The following KCNMA1 variants were observed in gnomAD, a reference collection of about 807,000 sequenced individuals.
The protein encoded by KCNMA1 is Calcium-activated potassium channel subunit alpha-1.
A neutral mutation model predicts 140.0 loss-of-function variants in KCNMA1; 29 were observed. That is an observed-to-expected ratio of 0.21 (90% confidence interval 0.15 to 0.28). The LOEUF (loss-of-function observed/expected upper bound fraction) is 0.28, where lower values mean the gene tolerates loss of function less well. Ranked by LOEUF, KCNMA1 falls within the 10% of genes least tolerant of loss-of-function variation. The probability of loss-of-function intolerance (pLI) is 1.00; values close to 1 mark genes in which losing one functional copy is unlikely to be tolerated. For missense variants in KCNMA1, 880 were observed against 1,602.2 expected (o/e 0.55, Z 7.70); for synonymous variants, 612 against 611.9 (o/e 1.00, Z 0.00).
intron 1 of KCNMA1, among the ~76,000 whole-genome samples, chr10:77,509,411 C>T (rs1021900278): frequency 2.0e-5 from 3 of 151,920 alleles, no homozygotes; most frequent in Middle Eastern, 3.4e-3. Flanking sequence ...AGCCACCATG[C>T]CCGGCCCTAC....
intron 19 of KCNMA1, among the ~76,000 whole-genome samples, chr10:76,982,328 GAAAAAAA>G (rs11317483): frequency 6.9e-6 from 1 of 144,398 alleles, no homozygotes; most frequent in Non-Finnish European, 1.5e-5. Context: ...AATTGTTCAG[GAAAAAAA>G]AAAAAAAAGA....
At chr10:77,132,359 A>G (rs2097881155) in intron 5 of KCNMA1, among the ~76,000 whole-genome samples, 1 of 152,144 alleles carries the variant, frequency 6.6e-6, no homozygotes, top group Admixed American at 6.5e-5. Context: ...GACCCAGAAA[A>G]CAGGAATAAA....
chr10:77,239,569 A>T (rs2056690248), intron 3 of KCNMA1, among the ~76,000 whole-genome samples: 2 of 152,206 alleles, frequency 1.3e-5, no homozygotes, highest in Non-Finnish European at 2.9e-5. Flanking sequence ...GATAGGTAAA[A>T]GGTGGTGTGA....
chr10:77,003,440 A>T (rs1272382801), intron 18 of KCNMA1, among the ~76,000 whole-genome samples: 1 of 152,234 alleles, frequency 6.6e-6, no homozygotes, highest in African/African-American at 2.4e-5. Context: ...AAAAGTCTTC[A>T]ATTAAAGACA....
At chr10:77,033,890 A>G (rs2094132126) in intron 15 of KCNMA1, among the ~76,000 whole-genome samples, 1 of 152,142 alleles carries the variant, frequency 6.6e-6, no homozygotes, top group South Asian at 2.1e-4. Flanking sequence ...CCTAATTACA[A>G]TACTCCCCAA....
At chr10:77,189,733 T>C (rs972679343) in intron 3 of KCNMA1, among the ~76,000 whole-genome samples, 2 of 152,126 alleles carry the variant, frequency 1.3e-5, no homozygotes, top group African/African-American at 2.4e-5. Flanking sequence ...CTAAATTGAA[T>C]GGGGCCCTCT....
rs1467179153 is a variant in KCNMA1, at chr10:77,121,062, T to C, written c.809-14A>G. ...AAAATCTCAAACCTGGAAAAAAGAA[T>C]GAAATAGAGATGCATTATTTTCAAT... On this transcript the variant is annotated splice_polypyrimidine_tract_variant and intron_variant, in intron 5 of 27. Transcript: ENST00000286628. 4.0e-6 allele frequency: 6 copies of C among 1,491,382 alleles called. No individual in the cohort carries two copies. Among genetic ancestry groups the C allele is most frequent in the Non-Finnish European group, 3.7e-6 (4 of 1,072,852 alleles). 92.4% of individuals were successfully genotyped at this position (1,491,382 alleles called of 1,614,324 possible).
intron 18 of KCNMA1, among the ~76,000 whole-genome samples, chr10:77,002,959 G>A (rs574533125): frequency 6.6e-6 from 1 of 152,218 alleles, no homozygotes; most frequent in East Asian, 1.9e-4. Context: ...GTAGAGAATG[G>A]TTGCACTCTT....
At chr10:77,098,657 G>C (rs2097005700) in intron 9 of KCNMA1, among the ~76,000 whole-genome samples, 1 of 151,862 alleles carries the variant, frequency 6.6e-6, no homozygotes. Context: ...AATCCTAACT[G>C]GTAGACTTGT....
chr10:76,894,219 A>T (rs868648943), intron 25 of KCNMA1, among the ~76,000 whole-genome samples: 1 of 152,246 alleles, frequency 6.6e-6, no homozygotes, highest in Non-Finnish European at 1.5e-5. Flanking sequence ...AGACCATTCA[A>T]TGGAGAAGTT....
chr10:77,558,954 T>C (rs1468644993), intron 1 of KCNMA1, among the ~76,000 whole-genome samples: 2 of 150,974 alleles, frequency 1.3e-5, no homozygotes, highest in African/African-American at 4.9e-5. Flanking sequence ...GTAGAGCTGC[T>C]GGTACAACTT....
rs550052623 is a variant in KCNMA1, at chr10:77,006,034, G to C, written c.2093-4454C>G. Among the ~76,000 whole-genome samples the C allele has an allele frequency of 1.2e-3, 182 of 152,258 alleles. 1 individual carries two copies. Among genetic ancestry groups the C allele is most frequent in the Middle Eastern group, 3.4e-3 (1 of 294 alleles). On this transcript the variant is annotated intron_variant, in intron 18 of 27. Coordinates refer to ENST00000286628, the MANE Select transcript of KCNMA1 (RefSeq NM_001161352.2). ...ATCAGCTGTCAAACTCAGGTTCTCT[G>C]CTGGCTGGCCTTTCTGAGCCAAGCC... is the stretch of plus-strand genomic sequence containing the variant.
intron 19 of KCNMA1, among the ~76,000 whole-genome samples, chr10:76,996,740 C>A (rs190899533): frequency 4.5e-4 from 69 of 152,196 alleles, no homozygotes; most frequent in Middle Eastern, 3.4e-3. Context: ...TGCTTATTAT[C>A]CTTGGCTCTC....
intron 1 of KCNMA1, among the ~76,000 whole-genome samples, chr10:77,607,420 G>A (rs1339540152): frequency 6.6e-6 from 1 of 152,124 alleles, no homozygotes; most frequent in Non-Finnish European, 1.5e-5. Context: ...CTCATCCCTG[G>A]AATCTGTGAC....
chr10:77,421,552 A>G (rs1283366960), intron 1 of KCNMA1, among the ~76,000 whole-genome samples: 1 of 152,246 alleles, frequency 6.6e-6, no homozygotes, highest in African/African-American at 2.4e-5. Context: ...GGCCTTAGAC[A>G]ATATATAAAC....
At position 77,108,618 on chromosome 10, in the gene KCNMA1, GA is replaced by G; in HGVS notation, c.1132-47del. On this transcript the variant is annotated intron_variant, in intron 8 of 27. Transcript: ENST00000286628. The surrounding 1 kb of genome is among the most constrained non-coding windows in gnomAD (Gnocchi z 4.6). The stretch of plus-strand genomic sequence containing the variant: ...AGAGAGACTAAAAAGACAGGCCAAA[GA>G]AAAGGGGGGACCTGTTCAGAGGGTG... 1 of 1,419,124 alleles carries G rather than the reference GA, an allele frequency of 7.0e-7. No individual in the cohort carries two copies. Among genetic ancestry groups the G allele is most frequent in the Non-Finnish European group, 9.9e-7 (1 of 1,006,474 alleles). 87.9% of individuals were successfully genotyped at this position (1,419,124 alleles called of 1,614,324 possible). A position where few individuals can be genotyped will look rare whatever the true frequency, so the allele number is the denominator to read the frequency against.
chr10:77,197,745 ATCATGCAAATGAAAAC>A (rs2041034264), intron 3 of KCNMA1, among the ~76,000 whole-genome samples: 1 of 152,184 alleles, frequency 6.6e-6, no homozygotes, highest in South Asian at 2.1e-4. Flanking sequence ...GGGAGGTTGC[ATCATGCAAATGAAAAC>A]CACAGCTTGG....
intron 2 of KCNMA1, among the ~76,000 whole-genome samples, chr10:77,329,762 A>T (rs1285174948): frequency 6.6e-6 from 1 of 152,244 alleles, no homozygotes; most frequent in Admixed American, 6.5e-5. Flanking sequence ...TGAGATTTCA[A>T]TCCTAACCTC....
chr10:77,166,240 C>A (rs1367861621), intron 5 of KCNMA1, among the ~76,000 whole-genome samples: 24 of 152,004 alleles, frequency 1.6e-4, no homozygotes. Context: ...CTCCAGACAC[C>A]AAAACATGAG....
Sources: allele counts gnomAD v4.1 joint callset (sites outside exome capture counted in the v4.1 genomes callset), GRCh38; gene constraint gnomAD v4.1.1; non-coding constraint Gnocchi (gnomAD v3.1); transcripts MANE v1.5; gene names NCBI Gene and HGNC (gene_info 2026-07-23, HGNC 2026-07-21).